The following DTNA variants were observed in gnomAD, a reference collection of about 807,000 sequenced individuals.
DTNA encodes the protein dystrobrevin alpha.
A neutral mutation model predicts 100.7 loss-of-function variants in DTNA; 43 were observed. The observed-to-expected ratio is 0.43, with a 90% CI of 0.33 to 0.55. The LOEUF is 0.55. Ranked by LOEUF, DTNA falls within the 20% of genes least tolerant of loss-of-function variation. The pLI is 0.04. For synonymous variants in DTNA, 349 were observed against 347.9 expected, an observed-to-expected ratio of 1.00 and a Z score of -0.04; for missense variants, 798 against 953.9, an observed-to-expected ratio of 0.84 and a Z score of 2.15.
intron 6 of DTNA, among the ~76,000 whole-genome samples, chr18:34,813,845 A>AC (rs1317008470): frequency 7.8e-4 from 117 of 150,712 alleles, no homozygotes; most frequent in South Asian, 3.8e-3. Flanking sequence ...CCATCTCAAA[A>AC]AAAAAAAAAA....
chr18:34,687,428 A>G (rs1304229612), intron 1 of DTNA, among the ~76,000 whole-genome samples: 4 of 152,192 alleles, frequency 2.6e-5, no homozygotes, highest in Non-Finnish European at 5.9e-5. Context: ...CAGGTTGTTC[A>G]GTTTCCATGT....
intron 1 of DTNA, among the ~76,000 whole-genome samples, chr18:34,598,679 C>G (rs6507098): frequency 6.6e-6 from 1 of 151,956 alleles, no homozygotes; most frequent in South Asian, 2.1e-4. Flanking sequence ...CTGGCTAACA[C>G]GGTGAAACCC....
chr18:34,568,824 A>G (rs921156915), intron 1 of DTNA, among the ~76,000 whole-genome samples: 6 of 152,024 alleles, frequency 3.9e-5, no homozygotes, highest in Non-Finnish European at 5.9e-5. Context: ...GGGTTTCACT[A>G]TGTTGGCCAG....
Position 34,536,233 on chromosome 18 carries a change from T to C in DTNA, c.-2+42719T>C, listed in dbSNP as rs567573760. Among the ~76,000 whole-genome samples, 3 of 152,160 alleles carry C rather than the reference T, an allele frequency of 2.0e-5. No individual in the cohort carries two copies. In the East Asian group the frequency reaches 5.8e-4, roughly 29 times the overall value. On this transcript the variant is annotated intron_variant, in intron 1 of 19. Transcript: ENST00000283365. ...GATTGGTATGTCATTTGATTCTAAT[T>C]ATTTAAGCAAACTAAATGTAAATTT...
rs568159392 is a variant in DTNA at position 34,867,473 on chromosome 18, A to G, written c.1743+3411A>G. ...ATGAATGCATACATGGGGTATTGCT[A>G]TTGTATTTCCAATACACTTAGATCA... On this transcript the variant is annotated intron_variant, in intron 17 of 22. Transcript: ENST00000444659. The G allele has an allele frequency of 2.5e-6, 3 of 1,216,948 alleles. No individual in the cohort carries two copies. The South Asian group carries it at 1.3e-4, about 52-fold the overall frequency. 75.4% of individuals were successfully genotyped at this position (1,216,948 alleles called of 1,614,324 possible). A position where few individuals can be genotyped will look rare whatever the true frequency, so the allele number is the denominator to read the frequency against.
chr18:34,551,377 G>A (rs776039967), intron 1 of DTNA, among the ~76,000 whole-genome samples: 2 of 152,020 alleles, frequency 1.3e-5, no homozygotes, highest in Non-Finnish European at 2.9e-5. Context: ...TCCCAAAATC[G>A]CTTACCTAGG....
At chr18:34,800,295 C>T (rs982680371) in intron 4 of DTNA, among the ~76,000 whole-genome samples, 1 of 152,044 alleles carries the variant, frequency 6.6e-6, no homozygotes, top group African/African-American at 2.4e-5. Flanking sequence ...GATGAGATAC[C>T]CTTGGAAAAT....
intron 1 of DTNA, among the ~76,000 whole-genome samples, chr18:34,557,241 G>C (rs1179134094): frequency 4.2e-5 from 6 of 142,568 alleles, no homozygotes; most frequent in African/African-American, 1.1e-4. Flanking sequence ...GCACTTCTCT[G>C]TATTGGTTAT....
At chr18:34,734,941 C>A (rs1233461137) in intron 1 of DTNA, among the ~76,000 whole-genome samples, 3 of 152,120 alleles carry the variant, frequency 2.0e-5, no homozygotes, top group Non-Finnish European at 4.4e-5. Context: ...GCCTCAAAAC[C>A]AACGAAAGAA....
At chr18:34,544,350 C>CTATA (rs2044552655) in intron 1 of DTNA, among the ~76,000 whole-genome samples, 1 of 152,022 alleles carries the variant, frequency 6.6e-6, no homozygotes, top group Admixed American at 6.6e-5. Flanking sequence ...GAAACTCTTG[C>CTATA]TATAGCTGAA....
At chr18:34,765,080 G>A (rs6507104) in intron 2 of DTNA, among the ~76,000 whole-genome samples, 112,332 of 152,006 alleles carry the variant, frequency 0.74, 41,797 homozygotes, top group East Asian at 0.9. Context: ...GGTAGAAAGT[G>A]GTGGGCAATG....
intron 1 of DTNA, among the ~76,000 whole-genome samples, chr18:34,744,085 A>G (rs190215735): frequency 1.4e-4 from 22 of 152,288 alleles, no homozygotes; most frequent in African/African-American, 4.1e-4. Context: ...GGTATGAAGA[A>G]GAAAGCAACC....
intron 1 of DTNA, among the ~76,000 whole-genome samples, chr18:34,727,991 G>A (rs2087124537): frequency 6.6e-6 from 1 of 152,086 alleles, no homozygotes; most frequent in South Asian, 2.1e-4. Context: ...ATAAAGCAAG[G>A]TATCCTTAAT....
At position 34,856,910 on chromosome 18, in the gene DTNA, G is replaced by C. The variant is rs148489260; in HGVS notation, c.1533-1375G>C. Among the ~76,000 whole-genome samples the C allele has an allele frequency of 1.7e-3, 253 of 152,280 alleles. 3 individuals carry two copies. Among genetic ancestry groups the C allele is most frequent in the African/African-American group, 5.8e-3 (242 of 41,552 alleles). ...TGTTTCTGTCTTTAGAATGAACAAA[G>C]AGAATAGCAGGAGTCATAGAATATC... is the stretch of plus-strand genomic sequence containing the variant. On this transcript the variant is annotated intron_variant, in intron 15 of 22. Coordinates refer to ENST00000444659, the MANE Select transcript of DTNA (RefSeq NM_001386795.1).
At chr18:34,665,188 G>T (rs924379112) in intron 1 of DTNA, among the ~76,000 whole-genome samples, 1 of 151,888 alleles carries the variant, frequency 6.6e-6, no homozygotes, top group African/African-American at 2.4e-5. Flanking sequence ...TCCAGTAAAA[G>T]TATCTCTTTG....
At chr18:34,800,660 G>A (rs2095172427) in intron 4 of DTNA, among the ~76,000 whole-genome samples, 1 of 152,136 alleles carries the variant, frequency 6.6e-6, no homozygotes, top group South Asian at 2.1e-4. Context: ...TCTGATTTTA[G>A]TACTCTTAAA....
rs193147244 is a variant in DTNA at position 34,583,989 on chromosome 18, G to T, written c.-2+90475G>T. Among the ~76,000 whole-genome samples, 389 of 148,446 alleles carry T rather than the reference G, an allele frequency of 2.6e-3. 5 individuals carry two copies. Among genetic ancestry groups the T allele is most frequent in the African/African-American group, 9.2e-3 (360 of 39,046 alleles). ...TGAGATACGATATAGAAATCTGGGA[G>T]ACTTAAGTAGAAATCTGCGTGCCGA... On this transcript the variant is annotated intron_variant, in intron 1 of 19. Coordinates refer to the DTNA transcript ENST00000283365.
At chr18:34,503,702 T>A (rs117740617) in intron 1 of DTNA, among the ~76,000 whole-genome samples, 1 of 152,006 alleles carries the variant, frequency 6.6e-6, no homozygotes, top group East Asian at 1.9e-4. Flanking sequence ...TCTGCCATTT[T>A]TTGTTTGTTA....
chr18:34,632,434 A>G (rs2058188508), intron 1 of DTNA, among the ~76,000 whole-genome samples: 2 of 152,300 alleles, frequency 1.3e-5, no homozygotes, highest in African/African-American at 2.4e-5. Flanking sequence ...AGGTTTCTAT[A>G]TAACGCTGGG....
Sources: gnomAD v4.1 joint callset for allele counts (sites outside exome capture counted in the v4.1 genomes callset) on GRCh38, gnomAD v4.1.1 for gene constraint, MANE v1.5 for transcripts, NCBI Gene and HGNC (gene_info 2026-07-23, HGNC 2026-07-21) for gene names.